The following SETDB1 variants were observed in gnomAD, a reference collection of about 807,000 sequenced individuals.
SETDB1 encodes the protein histone-lysine N-methyltransferase SETDB1.
Under a neutral mutation model 137.4 loss-of-function variants are expected in SETDB1, and 31 were observed. The ratio of observed to expected loss-of-function variants is 0.23; its 90% CI spans 0.17 to 0.30. SETDB1 has a LOEUF of 0.30. Ranked by LOEUF, SETDB1 falls within the 10% of genes least tolerant of loss-of-function variation. The pLI is 1.00. For missense variants in SETDB1, 1,113 were observed against 1,631.5 expected (o/e 0.68, Z 5.47); for synonymous variants, 548 against 579.9 (o/e 0.95, Z 0.79).
chr1:150,942,839 C>T lies in SETDB1; in HGVS notation c.674-13C>T. 1 of 1,612,316 alleles carries T rather than the reference C, an allele frequency of 6.2e-7. No individual in the cohort carries two copies. The highest frequency in any genetic ancestry group is 8.5e-7 in the Non-Finnish European group (1 of 1,178,400). On this transcript the variant is annotated splice_polypyrimidine_tract_variant and intron_variant, in intron 6 of 21. Coordinates refer to ENST00000692827, the MANE Select transcript of SETDB1 (RefSeq NM_001366418.1). ...GCAGTGTTTAAAAAGATTTATCTTT[C>T]CCTTTTACTCAGGGCCAGGGAAGAA... is the stretch of plus-strand genomic sequence containing the variant.
chr1:150,952,449 G>A (rs1464564011), intron 14 of SETDB1, among the ~76,000 whole-genome samples: 2 of 152,266 alleles, frequency 1.3e-5, no homozygotes, highest in Admixed American at 6.5e-5. Flanking sequence ...TGGAGTGGGG[G>A]GAAAGAGTAG....
At position 150,946,131 on chromosome 1, in the gene SETDB1, C is replaced by T. The variant is rs148951037; in HGVS notation, c.1141-755C>T. On this transcript the variant is annotated intron_variant, in intron 9 of 21. Coordinates refer to ENST00000692827, the MANE Select transcript of SETDB1 (RefSeq NM_001366418.1). Reference sequence around the variant, plus strand: ...ACCTCCAGGGTTCAAGTGGTCCTCCCACATCAGCCTCCCAAGTAGCTGTGA... The same window carrying T: ...ACCTCCAGGGTTCAAGTGGTCCTCCTACATCAGCCTCCCAAGTAGCTGTGA... Among the ~76,000 whole-genome samples, 555 of 152,116 alleles carry T rather than the reference C, an allele frequency of 3.6e-3. 2 individuals are homozygous for T. Among genetic ancestry groups the T allele is most frequent in the Non-Finnish European group, 4.3e-3 (294 of 67,976 alleles).
chr1:150,951,312 T>G (rs1177084201), intron 13 of SETDB1, 53 bp from the exon 14 acceptor site: 2 of 1,349,166 alleles, frequency 1.5e-6, no homozygotes, highest in Non-Finnish European at 2.1e-6. Flanking sequence ...TATTGTGTTA[T>G]TTTTGTTCTC....
intron 1 of SETDB1, chr1:150,926,903 T>A: frequency 2.0e-6 from 1 of 511,256 alleles, no homozygotes; most frequent in Non-Finnish European, 4.0e-6. Flanking sequence ...ATCATAGACT[T>A]TTTAAAAAGT....
intron 3 of SETDB1, among the ~76,000 whole-genome samples, chr1:150,931,666 AAAAAAG>A (rs1273346508): frequency 1.4e-5 from 2 of 147,216 alleles, no homozygotes; most frequent in East Asian, 3.9e-4. Flanking sequence ...CAAAAAAAAA[AAAAAAG>A]AAACCACACT....
intron 9 of SETDB1, among the ~76,000 whole-genome samples, chr1:150,946,614 A>G (rs765918853): frequency 3.4e-4 from 51 of 151,622 alleles, no homozygotes; most frequent in Non-Finnish European, 5.7e-4. Context: ...ACACCCGGCT[A>G]ATTTTGTATT....
chr1:150,931,429 C>CA (rs1347783395), intron 3 of SETDB1, among the ~76,000 whole-genome samples: 2 of 150,304 alleles, frequency 1.3e-5, no homozygotes, highest in Non-Finnish European at 3.0e-5. Flanking sequence ...ACTAAAAATA[C>CA]AAAAAATTAG....
chr1:150,959,801 G>A (rs764108721), intron 15 of SETDB1, among the ~76,000 whole-genome samples: 1 of 152,216 alleles, frequency 6.6e-6, no homozygotes, highest in Non-Finnish European at 1.5e-5. Flanking sequence ...GGCCGGCGTG[G>A]TGGCTCATGC....
chr1:150,945,433 G>A, intron 9 of SETDB1: 1 of 539,446 alleles, frequency 1.9e-6, no homozygotes, highest in Non-Finnish European at 2.9e-6. Flanking sequence ...TAGTAGGATA[G>A]TGGGACGAAG....
intron 3 of SETDB1, among the ~76,000 whole-genome samples, chr1:150,939,421 G>A (rs745470452): frequency 6.6e-6 from 1 of 151,840 alleles, no homozygotes; most frequent in Non-Finnish European, 1.5e-5. Flanking sequence ...TCTGCCTCCC[G>A]GATTCCAGCA....
chr1:150,928,185 GTA>G, intron 2 of SETDB1: 1 of 560,834 alleles, frequency 1.8e-6, no homozygotes, highest in Non-Finnish European at 3.1e-6. Context: ...CCCCTCCCGA[GTA>G]GCTGGAATTA....
At chr1:150,940,727 C>G (rs1670113020) in intron 4 of SETDB1, among the ~76,000 whole-genome samples, 1 of 151,546 alleles carries the variant, frequency 6.6e-6, no homozygotes, top group Admixed American at 6.6e-5. Context: ...AGGCTGGGCA[C>G]AGTGGCTCAC....
At chr1:150,931,562 GTAAC>G (rs1315723043) in intron 3 of SETDB1, among the ~76,000 whole-genome samples, 10 of 149,056 alleles carry the variant, frequency 6.7e-5, no homozygotes, top group Non-Finnish European at 1.3e-4. Context: ...GTATACATAT[GTAAC>G]TAACCTGCAC....
chr1:150,963,424 C>G (rs769981290), intron 19 of SETDB1, 106 bp from the exon 20 acceptor site: 7 of 940,782 alleles, frequency 7.4e-6, no homozygotes, highest in East Asian at 5.9e-5. Flanking sequence ...ATTGGTGTTT[C>G]TCAGCTGCAA....
chr1:150,951,198 C>A, intron 13 of SETDB1, 108 bp downstream of exon 13: 1 of 1,302,918 alleles, frequency 7.7e-7, no homozygotes, highest in Non-Finnish European at 1.1e-6. Flanking sequence ...CTTCCTTTAC[C>A]TCCTCCCTCA....
At chr1:150,928,770 G>A (rs1255677830) in intron 2 of SETDB1, among the ~76,000 whole-genome samples, 1 of 150,918 alleles carries the variant, frequency 6.6e-6, no homozygotes, top group Non-Finnish European at 1.5e-5. Context: ...ACAGGCCCCA[G>A]TATGTGACGT....
At chr1:150,943,192 C>G in intron 7 of SETDB1, 139 bp downstream of exon 7, 2 of 628,322 alleles carry the variant, frequency 3.2e-6, no homozygotes, top group South Asian at 4.0e-5. Context: ...TTCTTTACCA[C>G]AGGAGTCATG....
intron 15 of SETDB1, among the ~76,000 whole-genome samples, 153 bp downstream of exon 15, chr1:150,959,500 A>C (rs1338877760): frequency 6.6e-6 from 1 of 152,184 alleles, no homozygotes; most frequent in Non-Finnish European, 1.5e-5. Flanking sequence ...TGAGTGATGT[A>C]CCTGTCTAGC....
At chr1:150,957,506 A>ACGTAT (rs1202650220) in intron 14 of SETDB1, among the ~76,000 whole-genome samples, 1 of 152,214 alleles carries the variant, frequency 6.6e-6, no homozygotes, top group African/African-American at 2.4e-5. Flanking sequence ...AGCTGTTGAT[A>ACGTAT]CATTTCCAAA....
Sources: gnomAD v4.1 joint callset for allele counts (sites outside exome capture counted in the v4.1 genomes callset) on GRCh38, gnomAD v4.1.1 for gene constraint, MANE v1.5 for transcripts, NCBI Gene and HGNC (gene_info 2026-07-23, HGNC 2026-07-21) for gene names.